POGLUT1: variants seen among roughly 807,000 people sequenced by gnomAD.
POGLUT1 encodes 9630046K23Rik.
In POGLUT1, 32 loss-of-function variants were observed where a neutral mutation model predicts 61.3. That is an observed-to-expected ratio of 0.52 (90% CI 0.39 to 0.70). The LOEUF (loss-of-function observed/expected upper bound fraction) is 0.70, where lower values mean the gene tolerates loss of function less well. Among genes scored for constraint, POGLUT1 ranks in the 30% least tolerant of loss-of-function variants. POGLUT1 has a pLI of 0.00. For synonymous variants in POGLUT1, 158 were observed against 158.2 expected (o/e 1.00, Z 0.01); for missense variants, 411 against 469.8 (o/e 0.87, Z 1.16).
chr3:119,492,140 T>C, intron 10 of POGLUT1, 142 bp from the exon 11 acceptor site: 1 of 477,400 alleles, frequency 2.1e-6, no homozygotes, highest in Non-Finnish European at 3.7e-6. Flanking sequence ...ATGATTGCCA[T>C]AGGGTTGGTT....
intron 3 of POGLUT1, chr3:119,471,658 T>C: frequency 1.9e-6 from 1 of 537,408 alleles, no homozygotes; most frequent in Non-Finnish European, 3.3e-6. Flanking sequence ...TGAGGCTTGG[T>C]TCATCACTGG....
chr3:119,492,344 T>A lies in POGLUT1; in HGVS notation c.1085T>A (p.Leu362His). 6.2e-7 allele frequency: 1 copy of A among 1,609,992 alleles called. No individual in the cohort carries two copies. Among genetic ancestry groups the A allele is most frequent in the Non-Finnish European group, 8.5e-7 (1 of 1,176,648 alleles). Residue 362 changes from leucine (L) to histidine (H), a missense_variant, in exon 11 of 11, where the codon CTC becomes CAC. Coordinates refer to ENST00000295588, the MANE Select transcript of POGLUT1 (RefSeq NM_152305.3). ...MDDITCYWENLLSEYSKFLSY... is the reference protein window; with the variant it reads ...MDDITCYWENHLSEYSKFLSY... ...GACATCACCTGTTACTGGGAGAACC[T>A]CTTGAGTGAATACTCTAAATTCCTG... is the stretch of plus-strand genomic sequence containing the variant.
chr3:119,469,005 C>T lies in POGLUT1; in HGVS notation c.-17C>T, dbSNP rs1477965661. On this transcript the variant is annotated 5_prime_UTR_variant, in exon 1 of 11. Coordinates refer to ENST00000295588, the MANE Select transcript of POGLUT1 (RefSeq NM_152305.3). ...CGCCAGCGCCGCAGCGGGGAATCTG[C>T]AGTAGGTCTGCCGGCGATGGAGTGG... 3 of 1,600,698 alleles carry T rather than the reference C, an allele frequency of 1.9e-6. No individual in the cohort carries two copies. In the East Asian group the frequency reaches 6.8e-5, roughly 36 times the overall value.
In POGLUT1 at chr3:119,478,104, A is replaced by G. The variant is rs1159466197; in HGVS notation, c.456+656A>G. On this transcript the variant is annotated intron_variant, in intron 4 of 10. Coordinates refer to ENST00000295588, the MANE Select transcript of POGLUT1 (RefSeq NM_152305.3). ...CTTGTCAGTGCTCAGGTTCATGTAA[A>G]TGTTGTATCGGCAGGGATGGGCCTT... is the stretch of plus-strand genomic sequence containing the variant. 1.2e-5 allele frequency: 4 copies of G among 337,160 alleles called. No individual in the cohort carries two copies. The Admixed American group carries it at 1.7e-4, about 14-fold the overall frequency. 20.9% of individuals were successfully genotyped at this position (337,160 alleles called of 1,614,324 possible). A position where few individuals can be genotyped will look rare whatever the true frequency, so the allele number is the denominator to read the frequency against.
At chr3:119,477,243 A>T (rs577992054) in intron 3 of POGLUT1, 70 bp from the exon 4 acceptor site, 1 of 1,471,894 alleles carries the variant, frequency 6.8e-7, no homozygotes, top group African/African-American at 1.4e-5. Flanking sequence ...TAAAATGTGA[A>T]TGGGACCTCG....
At chr3:119,484,396 C>T (rs1040729849) in intron 5 of POGLUT1, among the ~76,000 whole-genome samples, 1 of 152,164 alleles carries the variant, frequency 6.6e-6, no homozygotes, top group African/African-American at 2.4e-5. Flanking sequence ...GACTTCTGTG[C>T]AGGGAGGGTT....
chr3:119,478,451 A>G, intron 4 of POGLUT1: 1 of 456,606 alleles, frequency 2.2e-6, no homozygotes, highest in Non-Finnish European at 4.4e-6. Context: ...AAACTCACTC[A>G]GAAGAACAGA....
intron 6 of POGLUT1, 133 bp downstream of exon 6, chr3:119,485,520 A>G (rs2081654868): frequency 1.7e-6 from 1 of 581,224 alleles, no homozygotes; most frequent in South Asian, 2.4e-5. Flanking sequence ...TGGAATCACA[A>G]TTTTAGATTC....
chr3:119,487,139 C>T (rs113984575), intron 7 of POGLUT1: 164 of 563,018 alleles, frequency 2.9e-4, no homozygotes, highest in African/African-American at 1.9e-3. Flanking sequence ...TAGTATATTG[C>T]ACTACTTTGA....
intron 5 of POGLUT1, among the ~76,000 whole-genome samples, chr3:119,480,887 T>C (rs1262346951): frequency 6.6e-6 from 1 of 151,768 alleles, no homozygotes; most frequent in African/African-American, 2.4e-5. Flanking sequence ...TACAGGCATG[T>C]GCCACCACAC....
chr3:119,478,528 T>TA, intron 4 of POGLUT1: 1 of 419,064 alleles, frequency 2.4e-6, no homozygotes, highest in South Asian at 1.7e-5. Flanking sequence ...CTATGGATAA[T>TA]AAAGTATGAC....
intron 5 of POGLUT1, among the ~76,000 whole-genome samples, chr3:119,480,653 G>C (rs1016153222): frequency 6.6e-6 from 1 of 152,042 alleles, no homozygotes; most frequent in Admixed American, 6.6e-5. Context: ...CCATAGAAAG[G>C]GGCAGAATAG....
chr3:119,492,031 G>C (rs1253189999), intron 10 of POGLUT1, among the ~76,000 whole-genome samples: 2 of 151,506 alleles, frequency 1.3e-5, no homozygotes, highest in African/African-American at 4.9e-5. Flanking sequence ...TCCAGCATGA[G>C]CAACAAGAGC....
chr3:119,492,498 G>A lies in POGLUT1; in HGVS notation c.*60G>A. 1 of 1,181,394 alleles carries A rather than the reference G, an allele frequency of 8.5e-7. No individual in the cohort carries two copies. Among genetic ancestry groups the A allele is most frequent in the Non-Finnish European group, 1.2e-6 (1 of 849,106 alleles). The allele number at this position is 1,181,394 out of a possible 1,614,324, so 73.2% of individuals were successfully genotyped here. On this transcript the variant is annotated 3_prime_UTR_variant, in exon 11 of 11. Coordinates refer to ENST00000295588, the MANE Select transcript of POGLUT1 (RefSeq NM_152305.3). ...ACAGATCTCAGATATCCTACGGTGA[G>A]AAGCTTACCATAAGCTTGGCACCTA...
Position 119,468,974 on chromosome 3 carries a change from C to T in POGLUT1, c.-48C>T, listed in dbSNP as rs1428934466. ...CCCGGGCCATCTTTGTGCGGGGCCG[C>T]GCTTCCGCCAGCGCCGCAGCGGGGA... On this transcript the variant is annotated 5_prime_UTR_variant, in exon 1 of 11. Coordinates refer to ENST00000295588, the MANE Select transcript of POGLUT1 (RefSeq NM_152305.3). The T allele has an allele frequency of 1.3e-6, 2 of 1,528,306 alleles. No individual in the cohort carries two copies. The highest frequency in any genetic ancestry group is 1.8e-6 in the Non-Finnish European group (2 of 1,123,236). 94.7% of individuals were successfully genotyped at this position (1,528,306 alleles called of 1,614,324 possible).
intron 5 of POGLUT1, among the ~76,000 whole-genome samples, chr3:119,484,832 C>G (rs1013567231): frequency 5.9e-5 from 9 of 152,146 alleles, no homozygotes; most frequent in Non-Finnish European, 5.9e-5. Context: ...AACTGGGTAG[C>G]ACCTCCAGAG....
Position 119,469,054 on chromosome 3 carries a change from C to G in POGLUT1, c.33C>G (p.Leu11=), listed in dbSNP as rs753713511. 5.6e-6 allele frequency: 9 copies of G among 1,609,616 alleles called. No homozygotes were observed. Among genetic ancestry groups the G allele is most frequent in the Non-Finnish European group, 6.8e-6 (8 of 1,179,036 alleles). The change falls in exon 1 of 11, where the codon CTC becomes CTG. Residue 11 remains leucine (L), a synonymous_variant. Coordinates refer to ENST00000295588, the MANE Select transcript of POGLUT1 (RefSeq NM_152305.3). Reference sequence around the variant, plus strand: ...GGTGGGCTAGCTCGCCGCTTCGGCTCTGGCTGCTGTTGTTCCTCCTGCCCT... The same window carrying G: ...GGTGGGCTAGCTCGCCGCTTCGGCTGTGGCTGCTGTTGTTCCTCCTGCCCT... MEWWASSPLR[L]WLLLFLLPSA... is the part of the protein sequence containing the mutation.
intron 3 of POGLUT1, among the ~76,000 whole-genome samples, chr3:119,474,908 A>G (rs1470395998): frequency 3.3e-5 from 5 of 152,196 alleles, no homozygotes; most frequent in African/African-American, 4.8e-5. Context: ...TTTTAGCTGT[A>G]ATGTATAAAT....
intron 2 of POGLUT1, among the ~76,000 whole-genome samples, chr3:119,470,346 C>T (rs976546394): frequency 1.3e-5 from 2 of 152,166 alleles, no homozygotes; most frequent in African/African-American, 2.4e-5. Flanking sequence ...GAGGCCAAGG[C>T]AGGTGGATCA....
Sources: gnomAD v4.1 joint callset for allele counts (sites outside exome capture counted in the v4.1 genomes callset) on GRCh38, gnomAD v4.1.1 for gene constraint, MANE v1.5 for transcripts, NCBI Gene and HGNC (gene_info 2026-07-23, HGNC 2026-07-21) for gene names.